The following RARA variants were observed in gnomAD, a reference collection of about 807,000 sequenced individuals.
The protein encoded by RARA is retinoic acid receptor alpha.
In RARA, 5 loss-of-function variants were observed where a neutral mutation model predicts 42.8. The ratio of observed to expected loss-of-function variants is 0.12; its 90% confidence interval spans 0.06 to 0.25. RARA has a LOEUF of 0.25. RARA is among the 10% of genes least tolerant of loss of function. The probability of loss-of-function intolerance (pLI) is 1.00; values close to 1 mark genes in which losing one functional copy is unlikely to be tolerated. For synonymous variants in RARA, 256 were observed against 259.5 expected (o/e 0.99, Z 0.13); for missense variants, 402 against 628.7 (o/e 0.64, Z 3.86).
intron 2 of RARA, among the ~76,000 whole-genome samples, chr17:40,339,347 A>G (rs1341467901): frequency 6.6e-6 from 1 of 152,206 alleles, no homozygotes; most frequent in Non-Finnish European, 1.5e-5. Context: ...GGGCTTACTA[A>G]ACGCAAAGCC....
At chr17:40,340,119 C>T (rs1328496606) in intron 2 of RARA, among the ~76,000 whole-genome samples, 2 of 152,040 alleles carry the variant, frequency 1.3e-5, no homozygotes, top group South Asian at 4.2e-4. Flanking sequence ...CCCCTTACCC[C>T]CACCCCCCCA....
At chr17:40,338,048 C>T (rs969267604) in intron 2 of RARA, among the ~76,000 whole-genome samples, 1 of 152,204 alleles carries the variant, frequency 6.6e-6, no homozygotes, top group African/African-American at 2.4e-5. Context: ...CTTTTATCTC[C>T]CAGCAAGGAT....
intron 1 of RARA, among the ~76,000 whole-genome samples, chr17:40,309,563 C>T (rs1359574021): frequency 6.6e-6 from 1 of 152,188 alleles, no homozygotes. Context: ...CCAGGCCCCA[C>T]GCCCTTGCAC....
intron 3 of RARA, 60 bp downstream of exon 3, chr17:40,348,524 TC>T: frequency 6.4e-7 from 1 of 1,568,310 alleles, no homozygotes; most frequent in Non-Finnish European, 8.6e-7. Context: ...TGTCCCCACT[TC>T]TGTGTCCTGG....
intron 3 of RARA, 102 bp from the exon 4 acceptor site, chr17:40,349,682 G>T: frequency 6.8e-7 from 1 of 1,469,746 alleles, no homozygotes; most frequent in Non-Finnish European, 9.3e-7. Flanking sequence ...AACGCTTGGG[G>T]GCAGCAGCTG....
At chr17:40,344,804 G>A (rs1324020793) in intron 2 of RARA, among the ~76,000 whole-genome samples, 4 of 152,190 alleles carry the variant, frequency 2.6e-5, no homozygotes, top group Non-Finnish European at 4.4e-5. Flanking sequence ...GGGGGTCTGG[G>A]GGCTTGCCTT....
chr17:40,315,148 A>ATATG (rs2033178821), intron 1 of RARA, among the ~76,000 whole-genome samples: 1 of 128,590 alleles, frequency 7.8e-6, no homozygotes, highest in African/African-American at 3.1e-5. Flanking sequence ...ATATATATAT[A>ATATG]TATATATATA....
intron 2 of RARA, among the ~76,000 whole-genome samples, chr17:40,347,225 T>C (rs1381390165): frequency 6.6e-6 from 1 of 152,170 alleles, no homozygotes; most frequent in Admixed American, 6.5e-5. Context: ...GGGATCTGTC[T>C]ACCTAGGGAG....
chr17:40,313,757 A>G (rs747458379), intron 1 of RARA, among the ~76,000 whole-genome samples: 13 of 151,808 alleles, frequency 8.6e-5, no homozygotes, highest in Admixed American at 2.6e-4. Flanking sequence ...TGCACCACCA[A>G]TTGTGGTTCA....
Position 40,355,694 on chromosome 17 carries a change from AG to A in RARA, c.1171+276del, listed in dbSNP as rs370593182. ...GCTCCTAGCTACAGTTTCCCTTCCG[AG>A]GGCGGGGATAACATTCGTGTTTACA... On this transcript the variant is annotated intron_variant, in intron 8 of 8. Coordinates refer to ENST00000254066, the MANE Select transcript of RARA (RefSeq NM_000964.4). This position sits in a 1 kb window ranked among gnomAD's most constrained non-coding sequence, Gnocchi z 4.1. Among the ~76,000 whole-genome samples the A allele has an allele frequency of 3.9e-3, 594 of 152,206 alleles. 3 individuals carry two copies. Among genetic ancestry groups the A allele is most frequent in the African/African-American group, 0.014 (568 of 41,532 alleles).
intron 2 of RARA, among the ~76,000 whole-genome samples, chr17:40,346,380 C>T (rs957750151): frequency 2.0e-5 from 3 of 151,912 alleles, no homozygotes; most frequent in South Asian, 2.1e-4. Context: ...TTGGGAGAGG[C>T]GGGGCCCAGG....
At position 40,331,272 on chromosome 17, in the gene RARA, G is replaced by A. The variant is rs2143277388; in HGVS notation, c.54G>A (p.Gly18=). The A allele has an allele frequency of 6.2e-7, 1 of 1,613,792 alleles. No homozygotes were observed. Among genetic ancestry groups the A allele is most frequent in the Non-Finnish European group, 8.5e-7 (1 of 1,179,934 alleles). The part of the protein sequence containing the change: ...CPTPGGGHLN[G]YPVPPYAFFF... ...CACCTGGGGGCGGGCACCTCAATGG[G>A]TACCCGGTGCCTCCCTACGCCTTCT... is the stretch of plus-strand genomic sequence containing the variant. Residue 18 remains glycine, a synonymous_variant, in exon 2 of 9, where the codon GGG becomes GGA. Coordinates refer to ENST00000254066, the MANE Select transcript of RARA (RefSeq NM_000964.4).
rs528533831 is a variant in RARA, at chr17:40,352,840, C to T, written c.807+333C>T. The stretch of plus-strand genomic sequence containing the variant: ...CTGTAATCCCAGCACTTTGGGAGGC[C>T]GAGCGAGGCAGGAGGATCACTTGAG... On this transcript the variant is annotated intron_variant, in intron 6 of 8. Coordinates refer to ENST00000254066, the MANE Select transcript of RARA (RefSeq NM_000964.4). This position sits in a 1 kb window ranked among gnomAD's most constrained non-coding sequence, Gnocchi z 4.9. 5.9e-5 allele frequency among the ~76,000 whole-genome samples: 9 copies of T among 152,166 alleles called. No homozygotes were observed. The East Asian group carries it at 1.2e-3, about 20-fold the overall frequency.
chr17:40,334,159 C>T lies in RARA; in HGVS notation c.178+2763C>T, dbSNP rs1490059844. Among the ~76,000 whole-genome samples, 3 of 152,098 alleles carry T rather than the reference C, an allele frequency of 2.0e-5. No homozygotes were observed. The East Asian group carries it at 5.8e-4, about 29-fold the overall frequency. On this transcript the variant is annotated intron_variant, in intron 2 of 8. Coordinates refer to ENST00000254066, the MANE Select transcript of RARA (RefSeq NM_000964.4). Reference sequence around the variant, plus strand: ...TTGCCTTCCCCTCCCCTCAATGTTGCAAGCTTCTTCCTCTTTCTTAGAGGT... The same window carrying T: ...TTGCCTTCCCCTCCCCTCAATGTTGTAAGCTTCTTCCTCTTTCTTAGAGGT...
chr17:40,342,856 G>A (rs866529749), intron 2 of RARA: 7 of 1,612,310 alleles, frequency 4.3e-6, no homozygotes, highest in Non-Finnish European at 5.9e-6. Flanking sequence ...CTTTGGAATG[G>A]CTCAAACCAC....
chr17:40,314,184 G>C lies in RARA; in HGVS notation c.-363+4898G>C, dbSNP rs1427708848. On this transcript the variant is annotated intron_variant, in intron 1 of 8. Transcript: ENST00000254066. ...GGTGAGGGATATGGCGGGTGGAGGGGTGGGGTGGGGGTGGGGACGAGCTGG... is the reference window on the plus strand; with the variant it reads ...GGTGAGGGATATGGCGGGTGGAGGGCTGGGGTGGGGGTGGGGACGAGCTGG... Among the ~76,000 whole-genome samples, 3 of 146,056 alleles carry C rather than the reference G, an allele frequency of 2.1e-5. No homozygotes were observed. The South Asian group carries it at 6.6e-4, about 32-fold the overall frequency.
intron 1 of RARA, among the ~76,000 whole-genome samples, chr17:40,312,191 ATGTGGT>A (rs2033108681): frequency 1.3e-5 from 2 of 152,154 alleles, no homozygotes; most frequent in African/African-American, 4.8e-5. Flanking sequence ...GGTGCCCACA[ATGTGGT>A]TGGCACTGAT....
At chr17:40,343,013 T>C (rs1292501183) in intron 2 of RARA, 106 of 1,433,264 alleles carry the variant, frequency 7.4e-5, no homozygotes, top group Non-Finnish European at 9.1e-5. Context: ...TGCTGGACAA[T>C]TGAACCCTCC....
chr17:40,346,658 TTCTCAGGCC>T (rs1203786251), intron 2 of RARA, among the ~76,000 whole-genome samples: 3 of 143,312 alleles, frequency 2.1e-5, no homozygotes, highest in African/African-American at 7.5e-5. Flanking sequence ...CCAGCAGCTG[TTCTCAGGCC>T]TCTCAGCCTG....
Sources: gnomAD v4.1 joint callset for allele counts (sites outside exome capture counted in the v4.1 genomes callset) on GRCh38, gnomAD v4.1.1 for gene constraint, Gnocchi (gnomAD v3.1) non-coding constraint, MANE v1.5 for transcripts, NCBI Gene and HGNC (gene_info 2026-07-23, HGNC 2026-07-21) for gene names.